SKAP1: variants seen among roughly 807,000 people sequenced by gnomAD.
The protein encoded by SKAP1 is src kinase-associated phosphoprotein 1.
In SKAP1, 44 loss-of-function variants were observed where a neutral mutation model predicts 58.5. The observed-to-expected ratio is 0.75, with a 90% CI of 0.59 to 0.97. SKAP1 has a LOEUF of 0.97. Among genes scored for constraint, SKAP1 ranks in the 50% least tolerant of loss-of-function variants. SKAP1 has a pLI of 0.00. For synonymous variants in SKAP1, 127 were observed against 149.7 expected, an observed-to-expected ratio of 0.85 and a Z score of 1.11; for missense variants, 390 against 435.2, an observed-to-expected ratio of 0.90 and a Z score of 0.92.
At chr17:48,319,599 C>T (rs538953350) in intron 4 of SKAP1, among the ~76,000 whole-genome samples, 47 of 152,184 alleles carry the variant, frequency 3.1e-4, no homozygotes, top group Non-Finnish European at 5.1e-4. Flanking sequence ...AATCCCAGCA[C>T]CTTGGGAGGC....
chr17:48,376,771 G>A (rs747853689), intron 2 of SKAP1, among the ~76,000 whole-genome samples: 5 of 152,194 alleles, frequency 3.3e-5, no homozygotes, highest in South Asian at 2.1e-4. Context: ...CAGTTTGGCC[G>A]AAATAATCAA....
intron 4 of SKAP1, among the ~76,000 whole-genome samples, chr17:48,303,217 C>G (rs924332805): frequency 6.6e-5 from 10 of 152,114 alleles, no homozygotes; most frequent in African/African-American, 2.4e-4. Flanking sequence ...AATTTGCTTT[C>G]TGGTTATGCT....
chr17:48,181,015 T>C (rs756316543), intron 8 of SKAP1, among the ~76,000 whole-genome samples: 1 of 152,064 alleles, frequency 6.6e-6, no homozygotes, highest in African/African-American at 2.4e-5. Context: ...TACTACAGAG[T>C]GCTCTCTGAA....
intron 9 of SKAP1, 53 bp from the exon 10 acceptor site, chr17:48,170,712 CTT>C (rs377407749): frequency 5.9e-3 from 6,298 of 1,072,210 alleles, no homozygotes; most frequent in South Asian, 7.8e-3. Flanking sequence ...GTCTCATGTT[CTT>C]TTTTTTTTTT....
chr17:48,254,907 C>A (rs2065406249), intron 4 of SKAP1, among the ~76,000 whole-genome samples: 1 of 151,940 alleles, frequency 6.6e-6, no homozygotes, highest in Admixed American at 6.6e-5. Flanking sequence ...ATCCCAAGAG[C>A]ACTTGAATTT....
intron 3 of SKAP1, among the ~76,000 whole-genome samples, chr17:48,348,626 A>G (rs977069157): frequency 1.1e-4 from 16 of 152,144 alleles, no homozygotes; most frequent in Non-Finnish European, 2.1e-4. Context: ...TACAGACTCT[A>G]TTTGGATTTC....
chr17:48,345,438 G>A (rs1039035620), intron 4 of SKAP1, among the ~76,000 whole-genome samples: 2 of 152,172 alleles, frequency 1.3e-5, no homozygotes, highest in African/African-American at 4.8e-5. Context: ...AGGGGTATGT[G>A]AGAAGTACAG....
At chr17:48,222,993 G>A (rs374653038) in intron 4 of SKAP1, among the ~76,000 whole-genome samples, 21 of 144,470 alleles carry the variant, frequency 1.5e-4, no homozygotes, top group African/African-American at 4.8e-4. Context: ...GAACCTGGGA[G>A]GCAGAGGTTG....
chr17:48,350,418 G>A (rs762370887), intron 3 of SKAP1, among the ~76,000 whole-genome samples: 4 of 152,120 alleles, frequency 2.6e-5, no homozygotes, highest in African/African-American at 4.8e-5. Flanking sequence ...GTTTGCAGCC[G>A]GGCGTGGTGG....
intron 8 of SKAP1, among the ~76,000 whole-genome samples, chr17:48,180,708 C>T (rs1422769951): frequency 2.6e-5 from 4 of 152,114 alleles, no homozygotes; most frequent in African/African-American, 9.7e-5. Context: ...AGCTTATCTC[C>T]CCAGTGATTT....
At chr17:48,369,342 T>C (rs1330587201) in intron 2 of SKAP1, among the ~76,000 whole-genome samples, 1 of 151,424 alleles carries the variant, frequency 6.6e-6, no homozygotes, top group Non-Finnish European at 1.5e-5. Flanking sequence ...AGTACAAAGA[T>C]TAGCTGGGTG....
At chr17:48,228,174 A>T (rs562721229) in intron 4 of SKAP1, among the ~76,000 whole-genome samples, 48 of 150,628 alleles carry the variant, frequency 3.2e-4, no homozygotes, top group East Asian at 5.8e-4. Flanking sequence ...GGTGTGTGTG[A>T]GAGAGAGAGA....
chr17:48,267,785 G>A (rs1394228408), intron 4 of SKAP1, among the ~76,000 whole-genome samples: 1 of 152,120 alleles, frequency 6.6e-6, no homozygotes, highest in Non-Finnish European at 1.5e-5. Context: ...ACTCCGTTAG[G>A]AAGGGTAATT....
intron 2 of SKAP1, among the ~76,000 whole-genome samples, chr17:48,385,726 T>C (rs8073888): frequency 0.34 from 51,287 of 151,914 alleles, 9,435 homozygotes; most frequent in African/African-American, 0.48. Context: ...TTAAAAAGGC[T>C]GCAAGCAAAG....
In SKAP1 at chr17:48,134,999, G is replaced by A. The variant is rs192744585; in HGVS notation, c.*8-1183C>T. ...ACTACAGGTGTAAGCCACCATGCCC[G>A]GCTGGCTGGATTTGTTTAGATTTGA... is the stretch of plus-strand genomic sequence containing the variant. On this transcript the variant is annotated intron_variant, in intron 12 of 12. Transcript: ENST00000336915. Among the ~76,000 whole-genome samples the A allele has an allele frequency of 6.6e-5, 10 of 152,264 alleles. No homozygotes were observed. The South Asian group carries it at 1.0e-3, about 16-fold the overall frequency.
intron 4 of SKAP1, chr17:48,204,673 CA>C (rs1447464549): frequency 2.6e-5 from 4 of 152,162 alleles, no homozygotes; most frequent in Non-Finnish European, 2.9e-5. Flanking sequence ...TGATCTTTGG[CA>C]TTACCAGAGA....
intron 2 of SKAP1, among the ~76,000 whole-genome samples, chr17:48,365,394 C>T (rs2066989344): frequency 1.3e-5 from 2 of 152,200 alleles, no homozygotes; most frequent in Admixed American, 1.3e-4. Flanking sequence ...TATTTTGGAT[C>T]CCATTTCCTC....
At chr17:48,283,628 A>T (rs1046084554) in intron 4 of SKAP1, among the ~76,000 whole-genome samples, 2 of 152,224 alleles carry the variant, frequency 1.3e-5, no homozygotes, top group Non-Finnish European at 2.9e-5. Flanking sequence ...AGGGGGCAGG[A>T]TCTCACTAAC....
intron 4 of SKAP1, among the ~76,000 whole-genome samples, chr17:48,217,973 G>C (rs896309648): frequency 1.3e-5 from 2 of 152,192 alleles, no homozygotes; most frequent in African/African-American, 4.8e-5. Flanking sequence ...TGTATGGCTT[G>C]TTTTTGCAGG....
Sources: allele counts gnomAD v4.1 joint callset (sites outside exome capture counted in the v4.1 genomes callset), GRCh38; gene constraint gnomAD v4.1.1; transcripts MANE v1.5; gene names NCBI Gene and HGNC (gene_info 2026-07-23, HGNC 2026-07-21).